PRIMA1: variants seen among roughly 807,000 people sequenced by gnomAD.
PRIMA1 encodes proline-rich membrane anchor 1.
In PRIMA1, 7 loss-of-function variants were observed where a neutral mutation model predicts 17.5. The observed-to-expected ratio is 0.40, with a 90% CI of 0.23 to 0.75. The LOEUF (loss-of-function observed/expected upper bound fraction) is 0.75, where lower values mean the gene tolerates loss of function less well. PRIMA1 is among the 30% of genes least tolerant of loss of function. The pLI, the probability that PRIMA1 is intolerant of heterozygous loss-of-function variation, is 0.37. For missense variants in PRIMA1, 200 were observed against 201.8 expected (o/e 0.99, Z 0.05); for synonymous variants, 97 against 77.9 (o/e 1.25, Z -1.29).
chr14:93,738,236 G>A (rs955986390), intron 3 of PRIMA1, among the ~76,000 whole-genome samples: 3 of 152,174 alleles, frequency 2.0e-5, no homozygotes, highest in African/African-American at 7.2e-5. Flanking sequence ...CTTGGCACAG[G>A]CTGTCTTGGG....
chr14:93,785,675 C>G (rs528196410), intron 2 of PRIMA1, among the ~76,000 whole-genome samples: 1 of 152,302 alleles, frequency 6.6e-6, no homozygotes, highest in South Asian at 2.1e-4. Flanking sequence ...AGCTCTTTTG[C>G]TTAAAGCCAG....
chr14:93,721,900 C>T (rs1450096466), intron 4 of PRIMA1, among the ~76,000 whole-genome samples: 3 of 152,194 alleles, frequency 2.0e-5, no homozygotes, highest in East Asian at 1.9e-4. Context: ...CTGATCTCTT[C>T]GATCAGGGCA....
At chr14:93,742,275 C>T (rs868262206) in intron 3 of PRIMA1, among the ~76,000 whole-genome samples, 4 of 152,282 alleles carry the variant, frequency 2.6e-5, no homozygotes, top group African/African-American at 7.2e-5. Flanking sequence ...GTTTCCAAAA[C>T]AGTAGTGCAG....
At chr14:93,756,441 G>C (rs912170081) in intron 3 of PRIMA1, among the ~76,000 whole-genome samples, 1 of 152,280 alleles carries the variant, frequency 6.6e-6, no homozygotes, top group South Asian at 2.1e-4. Context: ...AGCCTTCTTA[G>C]GTCCTGGGGC....
At chr14:93,752,423 G>A (rs1350413791) in intron 3 of PRIMA1, among the ~76,000 whole-genome samples, 2 of 152,182 alleles carry the variant, frequency 1.3e-5, no homozygotes, top group East Asian at 1.9e-4. Flanking sequence ...AACCCCACGC[G>A]GGGCCCCTCA....
At chr14:93,768,467 T>C (rs1381600669) in intron 3 of PRIMA1, among the ~76,000 whole-genome samples, 1 of 152,218 alleles carries the variant, frequency 6.6e-6, no homozygotes, top group East Asian at 1.9e-4. Context: ...GGGGCAGCTT[T>C]AAACTCCCGT....
At chr14:93,787,837 A>G (rs1885570966) in intron 1 of PRIMA1, 88 bp from the exon 2 acceptor site, 1 of 1,444,822 alleles carries the variant, frequency 6.9e-7, no homozygotes, top group Non-Finnish European at 9.2e-7. Flanking sequence ...CCCGGGTCGG[A>G]CGGGCACGCC....
Position 93,724,579 on chromosome 14 carries a change from G to C in PRIMA1, c.360-3033C>G, listed in dbSNP as rs1451464985. On this transcript the variant is annotated intron_variant, in intron 4 of 4. Coordinates refer to ENST00000393140, the MANE Select transcript of PRIMA1 (RefSeq NM_178013.4). Reference sequence around the variant, plus strand: ...GACTCCATGAAATCTGCATGGCCTGGACAATTTGTGGGGGTGACATTTTCT... The same window carrying C: ...GACTCCATGAAATCTGCATGGCCTGCACAATTTGTGGGGGTGACATTTTCT... Among the ~76,000 whole-genome samples, 4 of 152,210 alleles carry C rather than the reference G, an allele frequency of 2.6e-5. No individual in the cohort carries two copies. In the Middle Eastern group the frequency reaches 9.5e-3, roughly 361 times the overall value.
At chr14:93,721,796 A>G (rs940453322) in intron 4 of PRIMA1, among the ~76,000 whole-genome samples, 1 of 152,082 alleles carries the variant, frequency 6.6e-6, no homozygotes, top group African/African-American at 2.4e-5. Context: ...GAAAGAGGGG[A>G]GCTATTAATG....
intron 2 of PRIMA1, among the ~76,000 whole-genome samples, chr14:93,781,244 G>T (rs572623476): frequency 6.6e-6 from 1 of 152,320 alleles, no homozygotes. Flanking sequence ...GGTGGCCTCT[G>T]CTCAATTATT....
At chr14:93,768,674 A>G (rs1291997917) in intron 3 of PRIMA1, among the ~76,000 whole-genome samples, 1 of 152,216 alleles carries the variant, frequency 6.6e-6, no homozygotes, top group East Asian at 1.9e-4. Context: ...TGTTGAGTAA[A>G]TTAAAATATG....
At chr14:93,750,551 C>A (rs2076253422) in intron 3 of PRIMA1, among the ~76,000 whole-genome samples, 3 of 152,174 alleles carry the variant, frequency 2.0e-5, no homozygotes, top group Admixed American at 2.0e-4. Flanking sequence ...TGGCCCACCA[C>A]CTGTTTTATA....
At chr14:93,787,367 A>G (rs1885553569) in intron 2 of PRIMA1, among the ~76,000 whole-genome samples, 2 of 152,164 alleles carry the variant, frequency 1.3e-5, no homozygotes, top group African/African-American at 4.8e-5. Flanking sequence ...TTATCATTGG[A>G]AGGTATTCTC....
intron 3 of PRIMA1, among the ~76,000 whole-genome samples, chr14:93,739,710 G>A (rs1378801537): frequency 2.6e-5 from 4 of 152,250 alleles, no homozygotes; most frequent in East Asian, 3.9e-4. Flanking sequence ...AACCAGCACC[G>A]AAACCCCACT....
intron 3 of PRIMA1, among the ~76,000 whole-genome samples, chr14:93,752,591 G>GCCAGGCC (rs2076266857): frequency 6.6e-6 from 1 of 152,146 alleles, no homozygotes; most frequent in Non-Finnish European, 1.5e-5. Context: ...GTGAAACAGG[G>GCCAGGCC]CCAGGCCCCA....
Position 93,779,235 on chromosome 14 carries a change from GGGGGCCGGCACTGGCAGACGTGTC to G in PRIMA1, c.146_169del (p.Arg49_Pro56del). 1 of 1,497,060 alleles carries G rather than the reference GGGGGCCGGCACTGGCAGACGTGTC, an allele frequency of 6.7e-7. No individual in the cohort carries two copies. The highest frequency in any genetic ancestry group is 8.9e-7 in the Non-Finnish European group (1 of 1,126,726). 92.7% of individuals were successfully genotyped at this position (1,497,060 alleles called of 1,614,324 possible). ...TGGGGGCGGCGGGGGCAGCGGGGGA[GGGGGCCGGCACTGGCAGACGTGTC>G]GGCAGCTGTCAGTCACTTTGGAGCA... On this transcript the variant is annotated inframe_deletion, in exon 3 of 5. Coordinates refer to ENST00000393140, the MANE Select transcript of PRIMA1 (RefSeq NM_178013.4).
intron 3 of PRIMA1, among the ~76,000 whole-genome samples, chr14:93,762,584 C>G (rs994799010): frequency 1.3e-5 from 2 of 152,222 alleles, no homozygotes; most frequent in East Asian, 3.9e-4. Context: ...GCCACCTGGT[C>G]CCGGTGGCTG....
chr14:93,744,356 C>T lies in PRIMA1; in HGVS notation c.230-6986G>A, dbSNP rs551020590. On this transcript the variant is annotated intron_variant, in intron 3 of 4. Transcript: ENST00000393140. ...CCCATTGTCTCAGGGACACAAGGGC[C>T]GCCTCTCAGGCCACTGCTCTCCATT... 2.2e-4 allele frequency among the ~76,000 whole-genome samples: 33 copies of T among 152,342 alleles called. 1 individual carries two copies. The East Asian group carries it at 5.0e-3, about 23-fold the overall frequency.
At chr14:93,734,785 T>A (rs1267353546) in intron 4 of PRIMA1, among the ~76,000 whole-genome samples, 1 of 123,178 alleles carries the variant, frequency 8.1e-6, no homozygotes, top group Non-Finnish European at 1.8e-5. Context: ...CTATCTGAAG[T>A]CTGGTCCACT....
Sources: allele counts gnomAD v4.1 joint callset (sites outside exome capture counted in the v4.1 genomes callset), GRCh38; gene constraint gnomAD v4.1.1; transcripts MANE v1.5; gene names NCBI Gene and HGNC (gene_info 2026-07-23, HGNC 2026-07-21).